TENM3: variants seen among roughly 807,000 people sequenced by gnomAD.
TENM3 encodes the protein teneurin transmembrane protein 3, also known as teneurin-3.
Under a neutral mutation model 255.1 loss-of-function variants are expected in TENM3, and 63 were observed. The observed-to-expected ratio is 0.25, with a 90% CI of 0.20 to 0.30. The LOEUF is 0.30. TENM3 is among the 10% of genes least tolerant of loss of function. TENM3 has a pLI of 1.00. For synonymous variants in TENM3, 1,306 were observed against 1,322.3 expected (o/e 0.99, Z 0.27); for missense variants, 2,929 against 3,461.1 (o/e 0.85, Z 3.86).
At chr4:182,445,297 C>T (rs1333457289) in intron 3 of TENM3, among the ~76,000 whole-genome samples, 1 of 152,120 alleles carries the variant, frequency 6.6e-6, no homozygotes, top group Non-Finnish European at 1.5e-5. Flanking sequence ...TTACTCTTCT[C>T]ATATGAGATT....
the TENM3 span, among the ~76,000 whole-genome samples, chr4:181,641,705 A>C: frequency 8.1e-6 from 1 of 123,128 alleles, no homozygotes; most frequent in Non-Finnish European, 1.7e-5. Context: ...TATAATATAT[A>C]TATTATATAT....
the TENM3 span, among the ~76,000 whole-genome samples, chr4:182,057,151 G>T: frequency 6.6e-6 from 1 of 151,604 alleles, no homozygotes; most frequent in Non-Finnish European, 1.5e-5. Flanking sequence ...TCTACTGCTG[G>T]GAATTCTCTT....
chr4:182,714,951 C>A (rs1759038425), intron 13 of TENM3, among the ~76,000 whole-genome samples: 2 of 152,226 alleles, frequency 1.3e-5, no homozygotes, highest in Non-Finnish European at 2.9e-5. Context: ...ATGGCACGAT[C>A]TCAGCTCACC....
Position 182,796,786 on chromosome 4 carries a change from T to C in TENM3, c.7344+19T>C. The C allele has an allele frequency of 6.3e-7, 1 of 1,586,584 alleles. No individual in the cohort carries two copies. Among genetic ancestry groups the C allele is most frequent in the Non-Finnish European group, 8.6e-7 (1 of 1,164,306 alleles). On this transcript the variant is annotated intron_variant, in intron 27 of 27. Coordinates refer to ENST00000511685, the MANE Select transcript of TENM3 (RefSeq NM_001080477.4). The stretch of plus-strand genomic sequence containing the variant: ...TATACCGGTAAGAAACAAAAAGACC[T>C]ACGGAAAGGTGATAAGTAGCTTGTG...
At chr4:181,829,507 A>C in the TENM3 span, among the ~76,000 whole-genome samples, 1 of 152,170 alleles carries the variant, frequency 6.6e-6, no homozygotes, top group African/African-American at 2.4e-5. Flanking sequence ...CAATGTAGTC[A>C]ATCGGCCTAA....
At chr4:182,621,348 C>T (rs563337756) in intron 4 of TENM3, among the ~76,000 whole-genome samples, 31 of 151,868 alleles carry the variant, frequency 2.0e-4, no homozygotes, top group African/African-American at 7.2e-4. Context: ...TATGCACGTA[C>T]ATCACCAAGG....
the TENM3 span, among the ~76,000 whole-genome samples, chr4:181,524,115 T>C: frequency 0.093 from 14,207 of 152,214 alleles, 730 homozygotes; most frequent in East Asian, 0.2. Context: ...AATTTTTCTT[T>C]ATAAAGATTA....
intron 6 of TENM3, among the ~76,000 whole-genome samples, chr4:182,660,937 T>C (rs1754173748): frequency 6.6e-6 from 1 of 152,116 alleles, no homozygotes; most frequent in Non-Finnish European, 1.5e-5. Flanking sequence ...GACAGAACAT[T>C]TCAACACCAG....
At chr4:181,462,070 T>C in the TENM3 span, among the ~76,000 whole-genome samples, 1 of 152,190 alleles carries the variant, frequency 6.6e-6, no homozygotes, top group Non-Finnish European at 1.5e-5. Context: ...TATGCTGTGA[T>C]AGGGAAGGTC....
chr4:182,072,369 C>G, the TENM3 span, among the ~76,000 whole-genome samples: 4 of 152,140 alleles, frequency 2.6e-5, no homozygotes, highest in Non-Finnish European at 5.9e-5. Flanking sequence ...TCATAGGGTA[C>G]ACTGTAGTAG....
intron 4 of TENM3, among the ~76,000 whole-genome samples, chr4:182,620,501 A>G (rs373857483): frequency 6.6e-6 from 1 of 152,226 alleles, no homozygotes; most frequent in Non-Finnish European, 1.5e-5. Flanking sequence ...TATAGAAAAT[A>G]TACTGACATA....
At chr4:181,915,510 C>G in the TENM3 span, among the ~76,000 whole-genome samples, 1 of 151,896 alleles carries the variant, frequency 6.6e-6, no homozygotes, top group Non-Finnish European at 1.5e-5. Context: ...ATTATACATG[C>G]TGTAAAAGTG....
the TENM3 span, among the ~76,000 whole-genome samples, chr4:181,973,834 G>A: frequency 7.2e-5 from 11 of 152,286 alleles, no homozygotes; most frequent in South Asian, 2.1e-3. Context: ...GGAAGATGAT[G>A]TTTAAGCAAA....
rs765184997 is a variant in TENM3, at chr4:182,748,823, C to T, written c.3630-2977C>T. ...CCACGTAGACTCCCCCACATTTGTT[C>T]TTCTGGACAATAGAGTTGTGTCCAA... On this transcript the variant is annotated intron_variant, in intron 19 of 27. Coordinates refer to ENST00000511685, the MANE Select transcript of TENM3 (RefSeq NM_001080477.4). 2.8e-4 allele frequency among the ~76,000 whole-genome samples: 43 copies of T among 152,304 alleles called. 1 individual carries two copies. The highest frequency in any genetic ancestry group is 1.8e-3 in the Admixed American group (28 of 15,304).
At chr4:182,347,925 A>G (rs1418368190) in intron 3 of TENM3, among the ~76,000 whole-genome samples, 1 of 152,260 alleles carries the variant, frequency 6.6e-6, no homozygotes, top group Non-Finnish European at 1.5e-5. Context: ...TGTTTTATCA[A>G]TGATATTTCA....
intron 4 of TENM3, among the ~76,000 whole-genome samples, chr4:182,626,112 C>T (rs1164140398): frequency 6.6e-6 from 1 of 152,148 alleles, no homozygotes; most frequent in African/African-American, 2.4e-5. Context: ...GCGGCTTTCA[C>T]GATAGAACAG....
the TENM3 span, among the ~76,000 whole-genome samples, chr4:181,924,035 A>G: frequency 6.6e-6 from 1 of 152,142 alleles, no homozygotes; most frequent in South Asian, 2.1e-4. Flanking sequence ...GTTTATCAAG[A>G]ATGCAAAGCA....
intron 7 of TENM3, among the ~76,000 whole-genome samples, chr4:182,676,155 AG>A (rs758275360): frequency 2.6e-5 from 4 of 152,212 alleles, no homozygotes; most frequent in Non-Finnish European, 5.9e-5. Context: ...CCAGCCATTC[AG>A]AATAGTTGCT....
chr4:182,133,238 G>A, the TENM3 span, among the ~76,000 whole-genome samples: 1 of 152,162 alleles, frequency 6.6e-6, no homozygotes, highest in Non-Finnish European at 1.5e-5. Flanking sequence ...GCAAAAGAAG[G>A]AAGTGAAGAT....
Sources: allele counts gnomAD v4.1 joint callset (sites outside exome capture counted in the v4.1 genomes callset), GRCh38; gene constraint gnomAD v4.1.1; transcripts MANE v1.5; gene names NCBI Gene and HGNC (gene_info 2026-07-23, HGNC 2026-07-21).